Variants in PTPRD observed in about 807,000 individuals in gnomAD.
PTPRD encodes receptor-type tyrosine-protein phosphatase delta.
PTPRD carries 34 observed loss-of-function variants against 214.5 expected under a neutral mutation model. The observed-to-expected ratio is 0.16, with a 90% CI of 0.12 to 0.21. The LOEUF is 0.21. Among genes scored for constraint, PTPRD ranks in the 10% least tolerant of loss-of-function variants. The pLI is 1.00. For missense variants in PTPRD, 2,545 were observed against 2,398.7 expected, an observed-to-expected ratio of 1.06 and a Z score of -1.27; for synonymous variants, 1,128 against 845.7, an observed-to-expected ratio of 1.33 and a Z score of -5.79.
chr9:8,654,632 T>A (rs977948540), intron 12 of PTPRD, among the ~76,000 whole-genome samples: 23 of 152,184 alleles, frequency 1.5e-4, no homozygotes, highest in African/African-American at 5.6e-4. Flanking sequence ...ATTCCCTCTG[T>A]CAAATTCAAA....
chr9:8,935,447 C>G (rs985947832), intron 11 of PTPRD, among the ~76,000 whole-genome samples: 1 of 151,756 alleles, frequency 6.6e-6, no homozygotes, highest in Non-Finnish European at 1.5e-5. Flanking sequence ...TGGTGCCTAC[C>G]TTTAAAGTAA....
chr9:8,623,866 A>G (rs753267007), intron 14 of PTPRD, among the ~76,000 whole-genome samples: 41 of 152,022 alleles, frequency 2.7e-4, no homozygotes, highest in Middle Eastern at 3.4e-3. Flanking sequence ...TTCCTACACC[A>G]AGGTTGGTAA....
intron 10 of PTPRD, among the ~76,000 whole-genome samples, chr9:9,115,495 T>C (rs2099811540): frequency 1.3e-5 from 2 of 152,210 alleles, no homozygotes; most frequent in African/African-American, 4.8e-5. Flanking sequence ...CTTGCATGAA[T>C]GAAGTGAAAA....
At chr9:9,141,690 T>C (rs911519071) in intron 10 of PTPRD, among the ~76,000 whole-genome samples, 1 of 150,742 alleles carries the variant, frequency 6.6e-6, no homozygotes, top group Non-Finnish European at 1.5e-5. Flanking sequence ...TAAATATAGA[T>C]TTATATATTA....
chr9:8,560,826 T>A (rs28435765), intron 14 of PTPRD, among the ~76,000 whole-genome samples: 7,625 of 152,146 alleles, frequency 0.05, 628 homozygotes, highest in African/African-American at 0.18. Flanking sequence ...GGCAAATGGA[T>A]CTGTCTTTTT....
intron 10 of PTPRD, among the ~76,000 whole-genome samples, chr9:9,057,745 C>A (rs1008395186): frequency 2.6e-5 from 4 of 152,074 alleles, no homozygotes; most frequent in African/African-American, 9.7e-5. Flanking sequence ...ATTCCCAATT[C>A]TTGGTTATCT....
intron 11 of PTPRD, among the ~76,000 whole-genome samples, chr9:8,885,854 T>G (rs1188477390): frequency 1.3e-5 from 2 of 152,174 alleles, no homozygotes; most frequent in Admixed American, 1.3e-4. Flanking sequence ...CTTTCTATAA[T>G]TATGAACATA....
intron 14 of PTPRD, among the ~76,000 whole-genome samples, chr9:8,551,896 A>G (rs117495708): frequency 0.012 from 1,808 of 152,334 alleles, 18 homozygotes; most frequent in Non-Finnish European, 0.018. Context: ...TCCTGTTCCA[A>G]TTAAAGAATG....
intron 10 of PTPRD, among the ~76,000 whole-genome samples, chr9:9,076,329 C>T (rs751543223): frequency 2.0e-5 from 3 of 152,040 alleles, no homozygotes; most frequent in Non-Finnish European, 4.4e-5. Context: ...AATTTTCCCC[C>T]GTTCTGTAGG....
chr9:8,526,613 T>C lies in PTPRD; in HGVS notation c.568+14A>G. On this transcript the variant is annotated intron_variant, in intron 17 of 45. Transcript: ENST00000381196. Reference sequence around the variant, plus strand: ...AGTAAGATCATTCTGTGAACGTTAGTTCAGCACTCTTACCTCTTATTGGTG... The same window carrying C: ...AGTAAGATCATTCTGTGAACGTTAGCTCAGCACTCTTACCTCTTATTGGTG... The C allele has an allele frequency of 6.3e-7, 1 of 1,577,436 alleles. No individual in the cohort carries two copies. Among genetic ancestry groups the C allele is most frequent in the Non-Finnish European group, 8.6e-7 (1 of 1,160,084 alleles).
chr9:9,562,091 C>T, intron 8 of PTPRD, among the ~76,000 whole-genome samples: 1 of 152,254 alleles, frequency 6.6e-6, no homozygotes, highest in East Asian at 1.9e-4. Flanking sequence ...CAAAATTGAT[C>T]TGATTTTCTG....
intron 10 of PTPRD, among the ~76,000 whole-genome samples, chr9:9,057,969 C>T (rs896448251): frequency 6.6e-6 from 1 of 152,274 alleles, no homozygotes; most frequent in South Asian, 2.1e-4. Context: ...TTACTATTCA[C>T]ACCTTCTTTT....
intron 14 of PTPRD, among the ~76,000 whole-genome samples, chr9:8,552,803 C>T (rs1480026140): frequency 6.6e-6 from 1 of 152,168 alleles, no homozygotes; most frequent in Non-Finnish European, 1.5e-5. Flanking sequence ...TTGCTTTTGA[C>T]AATGGGGCAT....
intron 8 of PTPRD, among the ~76,000 whole-genome samples, chr9:9,404,197 CAA>C (rs1308671404): frequency 2.6e-5 from 4 of 152,002 alleles, no homozygotes; most frequent in Non-Finnish European, 5.9e-5. Context: ...AAGGGCAATG[CAA>C]AGTCATTGGA....
chr9:9,504,193 T>C (rs1386243786), intron 8 of PTPRD, among the ~76,000 whole-genome samples: 2 of 151,776 alleles, frequency 1.3e-5, no homozygotes, highest in South Asian at 2.1e-4. Context: ...CTAAAATTTA[T>C]AAAGACATTC....
At chr9:9,934,638 C>A (rs1359387805) in intron 5 of PTPRD, among the ~76,000 whole-genome samples, 6 of 149,792 alleles carry the variant, frequency 4.0e-5, no homozygotes, top group South Asian at 2.1e-4. Flanking sequence ...GCTGAATTCT[C>A]GCAGAGGTAC....
At chr9:9,567,102 A>G (rs1030557173) in intron 8 of PTPRD, among the ~76,000 whole-genome samples, 19 of 152,070 alleles carry the variant, frequency 1.2e-4, no homozygotes, top group African/African-American at 4.3e-4. Context: ...AAGCGCACAT[A>G]GGTCACCTGA....
intron 36 of PTPRD, among the ~76,000 whole-genome samples, chr9:8,395,859 T>C (rs536160837): frequency 1.2e-3 from 177 of 152,104 alleles, no homozygotes; most frequent in African/African-American, 3.9e-3. Flanking sequence ...TTTGAATACA[T>C]TGCAAGATCA....
At chr9:9,449,821 G>T (rs1045691411) in intron 8 of PTPRD, among the ~76,000 whole-genome samples, 17 of 151,636 alleles carry the variant, frequency 1.1e-4, no homozygotes, top group Non-Finnish European at 2.4e-4. Context: ...CTGAGATATT[G>T]GTGCACTTGC....
Sources: gnomAD v4.1 joint callset for allele counts (sites outside exome capture counted in the v4.1 genomes callset) on GRCh38, gnomAD v4.1.1 for gene constraint, MANE v1.5 for transcripts, NCBI Gene and HGNC (gene_info 2026-07-23, HGNC 2026-07-21) for gene names.